Variants in ZNRF3 observed in about 807,000 individuals in gnomAD.
The protein encoded by ZNRF3 is zinc and ring finger 3.
ZNRF3 carries 23 observed loss-of-function variants against 72.5 expected under a neutral mutation model. That is an observed-to-expected ratio of 0.32 (90% CI 0.23 to 0.45). The LOEUF is 0.45. Ranked by LOEUF, ZNRF3 falls within the 20% of genes least tolerant of loss-of-function variation. The pLI, the probability that ZNRF3 is intolerant of heterozygous loss-of-function variation, is 1.00. For missense variants in ZNRF3, 1,169 were observed against 1,272.1 expected (o/e 0.92, Z 1.23); for synonymous variants, 610 against 545.3 (o/e 1.12, Z -1.65).
chr22:28,980,898 A>C (rs1383158277), intron 1 of ZNRF3, among the ~76,000 whole-genome samples: 1 of 152,216 alleles, frequency 6.6e-6, no homozygotes, highest in Non-Finnish European at 1.5e-5. Context: ...TCTTACACAC[A>C]ATTCAGCTGT....
intron 2 of ZNRF3, among the ~76,000 whole-genome samples, chr22:28,995,496 A>T (rs1189339649): frequency 1.3e-5 from 2 of 152,168 alleles, no homozygotes; most frequent in African/African-American, 4.8e-5. Context: ...CCTGATATGT[A>T]CCACAGTGAT....
In ZNRF3 at chr22:28,946,374, T is replaced by C. The variant is rs183773320; in HGVS notation, c.301-40702T>C. Among the ~76,000 whole-genome samples the C allele has an allele frequency of 2.0e-5, 3 of 152,302 alleles. No individual in the cohort carries two copies. The East Asian group carries it at 5.8e-4, about 29-fold the overall frequency. The stretch of plus-strand genomic sequence containing the variant: ...CCCCCTTTTTTCTTTGTGTGAGAGA[T>C]GGCTTTGGGGTTTTTAAGTTGCAGT... On this transcript the variant is annotated intron_variant, in intron 1 of 8. Coordinates refer to ENST00000544604, the MANE Select transcript of ZNRF3 (RefSeq NM_001206998.2).
intron 1 of ZNRF3, among the ~76,000 whole-genome samples, chr22:28,927,578 T>C (rs530203773): frequency 6.6e-6 from 1 of 152,208 alleles, no homozygotes; most frequent in Admixed American, 6.5e-5. Flanking sequence ...CAAATTAATA[T>C]GTGATTCTGT....
intron 1 of ZNRF3, among the ~76,000 whole-genome samples, chr22:28,924,139 A>G: frequency 6.6e-6 from 1 of 152,150 alleles, no homozygotes; most frequent in East Asian, 1.9e-4. Flanking sequence ...TTAAATTTAA[A>G]CAAAGACACC....
intron 1 of ZNRF3, among the ~76,000 whole-genome samples, chr22:28,905,789 G>T (rs2034195461): frequency 6.6e-6 from 1 of 152,194 alleles, no homozygotes; most frequent in South Asian, 2.1e-4. Context: ...GTGAATGAAT[G>T]AATACACTAT....
Position 29,049,951 on chromosome 22 carries a change from C to A in ZNRF3, c.1770C>A (p.Leu590=). ...GCTGCTCCACCTTCCGCAGCTCCCTCAGCAGCGACTATGACCCCTTCATCT... is the reference window on the plus strand; with the variant it reads ...GCTGCTCCACCTTCCGCAGCTCCCTAAGCAGCGACTATGACCCCTTCATCT... ...YGSCSTFRSS[L]SSDYDPFIYR... is the part of the protein sequence containing the mutation. The change falls in exon 8 of 9, where the codon CTC becomes CTA. Residue 590 remains leucine (L), a synonymous_variant. Transcript: ENST00000544604. This position sits in a 1 kb window ranked among gnomAD's most constrained non-coding sequence, Gnocchi z 5.2. 6.2e-7 allele frequency: 1 copy of A among 1,611,812 alleles called. No homozygotes were observed. Among genetic ancestry groups the A allele is most frequent in the South Asian group, 1.1e-5 (1 of 90,842 alleles).
intron 1 of ZNRF3, among the ~76,000 whole-genome samples, chr22:28,941,759 A>G (rs2034951372): frequency 1.3e-5 from 2 of 152,196 alleles, no homozygotes; most frequent in East Asian, 3.9e-4. Context: ...AAAAATACAA[A>G]AATTAGCTGG....
At chr22:29,031,703 C>T in intron 2 of ZNRF3, 2 of 911,376 alleles carry the variant, frequency 2.2e-6, no homozygotes, top group Non-Finnish European at 2.6e-6. Flanking sequence ...CCTGGGCTCT[C>T]TGGCCTGGGG....
At chr22:29,036,177 T>A (rs978806514) in intron 2 of ZNRF3, among the ~76,000 whole-genome samples, 1 of 152,194 alleles carries the variant, frequency 6.6e-6, no homozygotes, top group Non-Finnish European at 1.5e-5. Context: ...TTTTAAATTG[T>A]TCATATCATG....
intron 1 of ZNRF3, among the ~76,000 whole-genome samples, chr22:28,980,914 A>G (rs1183759488): frequency 6.6e-6 from 1 of 152,140 alleles, no homozygotes; most frequent in African/African-American, 2.4e-5. Flanking sequence ...GCTGTTTTTA[A>G]TCTTCTTAAA....
At chr22:28,995,666 G>C (rs532631117) in intron 2 of ZNRF3, among the ~76,000 whole-genome samples, 1 of 152,108 alleles carries the variant, frequency 6.6e-6, no homozygotes. Context: ...GTCAAAGCTC[G>C]TAAAATTACA....
rs1203734477 is a variant in ZNRF3, at chr22:29,048,556, C to T, written c.1015+65C>T. 3.3e-6 allele frequency: 5 copies of T among 1,522,804 alleles called. No individual in the cohort carries two copies. Among genetic ancestry groups the T allele is most frequent in the African/African-American group, 2.7e-5 (2 of 73,208 alleles). The allele number at this position is 1,522,804 out of a possible 1,614,324, so 94.3% of individuals were successfully genotyped here. Reference sequence around the variant, plus strand: ...TGCCTAGCTAGAGTGTGACACACACCGCAGGCTTGGGAACACTCAGAACCA... The same window carrying T: ...TGCCTAGCTAGAGTGTGACACACACTGCAGGCTTGGGAACACTCAGAACCA... On this transcript the variant is annotated intron_variant, in intron 7 of 8. Coordinates refer to ENST00000544604, the MANE Select transcript of ZNRF3 (RefSeq NM_001206998.2). This position sits in a 1 kb window ranked among gnomAD's most constrained non-coding sequence, Gnocchi z 4.9.
intron 1 of ZNRF3, among the ~76,000 whole-genome samples, chr22:28,918,899 A>G (rs1444131579): frequency 2.6e-5 from 4 of 152,172 alleles, no homozygotes; most frequent in Admixed American, 2.0e-4. Context: ...TTTCCCATCA[A>G]TAAAGTTGGG....
intron 1 of ZNRF3, among the ~76,000 whole-genome samples, chr22:28,943,360 C>T (rs1451100175): frequency 6.6e-6 from 1 of 152,160 alleles, no homozygotes; most frequent in Non-Finnish European, 1.5e-5. Flanking sequence ...TGACGATGAC[C>T]TCTTGCTGTT....
chr22:28,911,671 G>T (rs1391426167), intron 1 of ZNRF3, among the ~76,000 whole-genome samples: 1 of 130,118 alleles, frequency 7.7e-6, no homozygotes, highest in African/African-American at 2.8e-5. Flanking sequence ...ACCTTGGTTA[G>T]CACTTTGTTT....
At chr22:28,936,854 C>T (rs998631612) in intron 1 of ZNRF3, among the ~76,000 whole-genome samples, 2 of 152,088 alleles carry the variant, frequency 1.3e-5, no homozygotes, top group East Asian at 1.9e-4. Flanking sequence ...GAGTCCTGCA[C>T]TGTCCAAGGA....
intron 2 of ZNRF3, among the ~76,000 whole-genome samples, chr22:28,998,907 C>A (rs1020729735): frequency 6.6e-6 from 1 of 152,256 alleles, no homozygotes; most frequent in South Asian, 2.1e-4. Context: ...TCTAGACACT[C>A]CTCCCTGCCA....
chr22:28,991,279 C>CAAAAAAAAAAAAAAAAAAAAAA (rs59317059), intron 2 of ZNRF3, among the ~76,000 whole-genome samples: 1 of 51,656 alleles, frequency 1.9e-5, no homozygotes, highest in African/African-American at 9.0e-5. Context: ...GACCCTCTCT[C>CAAAAAAAAAAAAAAAAAAAAAA]AAAAAAAAAA....
intron 1 of ZNRF3, among the ~76,000 whole-genome samples, chr22:28,886,369 T>C (rs2033787327): frequency 6.6e-6 from 1 of 152,236 alleles, no homozygotes; most frequent in South Asian, 2.1e-4. Flanking sequence ...AGGAATAAAT[T>C]GCTGTCCAGC....
Sources: allele counts gnomAD v4.1 joint callset (sites outside exome capture counted in the v4.1 genomes callset), GRCh38; gene constraint gnomAD v4.1.1; non-coding constraint Gnocchi (gnomAD v3.1); transcripts MANE v1.5; gene names NCBI Gene and HGNC (gene_info 2026-07-23, HGNC 2026-07-21).